The following AKNA variants were observed in gnomAD, a reference collection of about 807,000 sequenced individuals.
AKNA encodes the protein microtubule organization protein AKNA.
AKNA carries 67 observed loss-of-function variants against 138.8 expected under a neutral mutation model. That is an observed-to-expected ratio of 0.48 (90% CI 0.40 to 0.59). The LOEUF is 0.59. AKNA is among the 20% of genes least tolerant of loss of function. AKNA has a pLI of 0.00. For missense variants in AKNA, 1,813 were observed against 1,880.4 expected, an observed-to-expected ratio of 0.96 and a Z score of 0.66; for synonymous variants, 737 against 754.4, an observed-to-expected ratio of 0.98 and a Z score of 0.38.
At chr9:114,353,742 C>T (rs1831295401) in intron 14 of AKNA, among the ~76,000 whole-genome samples, 3 of 152,142 alleles carry the variant, frequency 2.0e-5, no homozygotes, top group Admixed American at 6.6e-5. Context: ...ACATTGCCTG[C>T]TGAATACTGT....
chr9:114,360,495 A>C (rs1831868902), intron 9 of AKNA, among the ~76,000 whole-genome samples: 1 of 152,058 alleles, frequency 6.6e-6, no homozygotes, highest in Admixed American at 6.6e-5. Context: ...AATACCTTCA[A>C]CTGCAGGAGC....
chr9:114,362,564 G>A, intron 7 of AKNA, 31 bp from the exon 8 acceptor site: 6 of 1,608,404 alleles, frequency 3.7e-6, no homozygotes, highest in Non-Finnish European at 5.1e-6. Flanking sequence ...GAAGACTTGA[G>A]TGCTCAGTCC....
At chr9:114,361,332 ACTT>A (rs1392338329) in intron 9 of AKNA, among the ~76,000 whole-genome samples, 1 of 152,068 alleles carries the variant, frequency 6.6e-6, no homozygotes, top group Non-Finnish European at 1.5e-5. Context: ...TTTAAACATG[ACTT>A]CTTCAGGGAA....
chr9:114,365,914 G>A (rs779167250), intron 6 of AKNA, among the ~76,000 whole-genome samples: 30 of 152,200 alleles, frequency 2.0e-4, no homozygotes, highest in Non-Finnish European at 4.1e-4. Flanking sequence ...CCTGCTCAGT[G>A]TGATGATTTG....
At chr9:114,345,841 C>T in intron 18 of AKNA, 22 bp downstream of exon 18, 2 of 1,612,290 alleles carry the variant, frequency 1.2e-6, no homozygotes, top group East Asian at 4.5e-5. Context: ...TGCACCCATC[C>T]CGGCCCTCCC....
At chr9:114,367,457 A>G in intron 6 of AKNA, 86 bp downstream of exon 6, 4 of 1,482,924 alleles carry the variant, frequency 2.7e-6, no homozygotes, top group Non-Finnish European at 3.7e-6. Flanking sequence ...TGAGACTCCC[A>G]GAGTGCCTCT....
At position 114,381,451 on chromosome 9, in the gene AKNA, C is replaced by G. The variant is rs1833668454; in HGVS notation, c.-113-5G>C. The G allele has an allele frequency of 7.0e-7, 1 of 1,429,252 alleles. No individual in the cohort carries two copies. Among genetic ancestry groups the G allele is most frequent in the Admixed American group, 3.0e-5 (1 of 33,768 alleles). 88.5% of individuals were successfully genotyped at this position (1,429,252 alleles called of 1,614,324 possible). A position where few individuals can be genotyped will look rare whatever the true frequency, so the allele number is the denominator to read the frequency against. On this transcript the variant is annotated splice_region_variant and splice_polypyrimidine_tract_variant and intron_variant, in intron 1 of 21. Coordinates refer to ENST00000374088, the MANE Select transcript of AKNA (RefSeq NM_001317950.2). ...ATCGGCCATCCTGCCTGTGCCCTGT[C>G]AGGGACACATTCAAGAGAGAACATT...
At chr9:114,388,290 A>ATT, upstream of AKNA, among the ~76,000 whole-genome samples, 1 of 152,306 alleles carries the variant, frequency 6.6e-6, no homozygotes, top group East Asian at 1.9e-4. Context: ...AGAAGGTCAG[A>ATT]GGCTTGGCCA....
chr9:114,367,764 T>C, intron 5 of AKNA, 67 bp from the exon 6 acceptor site: 1 of 1,487,714 alleles, frequency 6.7e-7, no homozygotes, highest in Non-Finnish European at 9.0e-7. Context: ...GGACTGAGGC[T>C]GAACGTCAAA....
chr9:114,392,863 C>T (rs1354814552), upstream of AKNA, among the ~76,000 whole-genome samples: 2 of 152,206 alleles, frequency 1.3e-5, no homozygotes, highest in East Asian at 3.8e-4. Context: ...AAACTCTGTC[C>T]TCACTCTGAG....
rs1833305418 is a variant in AKNA, at chr9:114,377,255, A to C, written c.552T>G (p.Ser184=). The change falls in exon 3 of 22, where the codon TCT becomes TCG. Residue 184 remains serine (S), a synonymous_variant. Coordinates refer to ENST00000374088, the MANE Select transcript of AKNA (RefSeq NM_001317950.2). ...CGGATGGGTTGACCTCGGAATGTTC[A>C]GAAAGTTTGTCCCCACTGGCTTGTT... ...SGEQASGDKL[S]EHSEVNPSVE... The C allele has an allele frequency of 2.5e-6, 4 of 1,614,188 alleles. No homozygotes were observed. The East Asian group carries it at 8.9e-5, about 36-fold the overall frequency.
At chr9:114,398,255 T>A (rs576786878), upstream of AKNA, among the ~76,000 whole-genome samples, 26 of 152,272 alleles carry the variant, frequency 1.7e-4, 1 homozygote, top group South Asian at 5.4e-3. The surrounding 1 kb of genome is among the most constrained non-coding windows in gnomAD (Gnocchi z 4.2). Context: ...GGAGCGGTGA[T>A]GCGTCTCCTT....
chr9:114,351,161 A>T lies in AKNA; in HGVS notation c.3059-140T>A, dbSNP rs3810934. On this transcript the variant is annotated intron_variant, in intron 14 of 21. Transcript: ENST00000374088. ...ACAAAGGAAGTTCCTGATGAGGCCA[A>T]TGACCCACACTGACCTCCAAACCAG... 15,734 of 867,360 alleles carry T rather than the reference A, an allele frequency of 0.018. 1,090 individuals carry two copies. The African/African-American group carries it at 0.18, about 10-fold the overall frequency. 53.7% of individuals were successfully genotyped at this position (867,360 alleles called of 1,614,324 possible). A position where few individuals can be genotyped will look rare whatever the true frequency, so the allele number is the denominator to read the frequency against.
downstream of AKNA, chr9:114,331,601 C>A (rs1829852846): frequency 1.9e-6 from 3 of 1,613,894 alleles, no homozygotes; most frequent in Non-Finnish European, 2.5e-6. Context: ...ACCTGCTGTT[C>A]CTTAGGGACA....
Position 114,365,800 on chromosome 9 carries a change from A to G in AKNA, c.1729-1181T>C, listed in dbSNP as rs184354417. On this transcript the variant is annotated intron_variant, in intron 6 of 21. Coordinates refer to ENST00000374088, the MANE Select transcript of AKNA (RefSeq NM_001317950.2). Reference sequence around the variant, plus strand: ...TGTTTCATACCCACAGCACGTCTCAATTCAGAGCAGCCCATGTCAAGTACT... The same window carrying G: ...TGTTTCATACCCACAGCACGTCTCAGTTCAGAGCAGCCCATGTCAAGTACT... Among the ~76,000 whole-genome samples, 262 of 152,320 alleles carry G rather than the reference A, an allele frequency of 1.7e-3. 3 individuals carry two copies. Among genetic ancestry groups the G allele is most frequent in the African/African-American group, 6.0e-3 (248 of 41,560 alleles).
intron 14 of AKNA, among the ~76,000 whole-genome samples, chr9:114,353,589 G>T (rs531385493): frequency 1.3e-5 from 2 of 152,018 alleles, no homozygotes; most frequent in African/African-American, 4.8e-5. Context: ...GTATAGTCAC[G>T]CATCACTTAA....
At chr9:114,369,684 C>T (rs1301504920) in intron 4 of AKNA, among the ~76,000 whole-genome samples, 6 of 150,762 alleles carry the variant, frequency 4.0e-5, no homozygotes, top group Non-Finnish European at 7.4e-5. Context: ...CCATCAGCAT[C>T]ACCATCAGCA....
intron 18 of AKNA, 71 bp downstream of exon 18, chr9:114,345,792 G>C: frequency 6.8e-7 from 1 of 1,466,844 alleles, no homozygotes; most frequent in East Asian, 2.3e-5. Flanking sequence ...TATGGAAAGG[G>C]CTTCTCATAA....
intron 1 of AKNA, among the ~76,000 whole-genome samples, chr9:114,385,597 T>C (rs962243532): frequency 6.6e-6 from 1 of 152,170 alleles, no homozygotes; most frequent in African/African-American, 2.4e-5. Flanking sequence ...GAACATCCTG[T>C]CTTCTGGGAT....
Sources: gnomAD v4.1 joint callset for allele counts (sites outside exome capture counted in the v4.1 genomes callset) on GRCh38, gnomAD v4.1.1 for gene constraint, Gnocchi (gnomAD v3.1) non-coding constraint, MANE v1.5 for transcripts, NCBI Gene and HGNC (gene_info 2026-07-23, HGNC 2026-07-21) for gene names.